The following TMEM268 variants were observed in gnomAD, a reference collection of about 807,000 sequenced individuals.
TMEM268 encodes the protein transmembrane protein 268, also known as transmembrane protein C9orf91.
In TMEM268, 24 loss-of-function variants were observed where a neutral mutation model predicts 39.1. The observed-to-expected ratio is 0.61, with a 90% CI of 0.44 to 0.86. The LOEUF (loss-of-function observed/expected upper bound fraction) is 0.86. Ranked by LOEUF, TMEM268 falls within the 40% of genes least tolerant of loss-of-function variation. The pLI, the probability that TMEM268 is intolerant of heterozygous loss-of-function variation, is 0.00. For missense variants in TMEM268, 409 were observed against 428.6 expected, an observed-to-expected ratio of 0.95 and a Z score of 0.40; for synonymous variants, 176 against 173.5, an observed-to-expected ratio of 1.01 and a Z score of -0.12.
chr9:114,628,981 C>T (rs1239262462), intron 5 of TMEM268, among the ~76,000 whole-genome samples: 4 of 152,210 alleles, frequency 2.6e-5, no homozygotes, highest in African/African-American at 4.8e-5. Flanking sequence ...CTCATTAAAT[C>T]CTTCGACATT....
Position 114,624,334 on chromosome 9 carries a change from T to C in TMEM268, c.107-16T>C, listed in dbSNP as rs1174777597. 2 of 1,583,752 alleles carry C rather than the reference T, an allele frequency of 1.3e-6. No individual in the cohort carries two copies. The highest frequency in any genetic ancestry group is 2.7e-5 in the African/African-American group (2 of 74,598). On this transcript the variant is annotated splice_polypyrimidine_tract_variant and intron_variant, in intron 2 of 8. Transcript: ENST00000288502. ...GGTTATCACTCAGCCAGATGAAGCT[T>C]CTGGTCTGCTTCCAGAGCTCCACAA...
rs1000260239 is a variant in TMEM268 at position 114,643,567 on chromosome 9, A to G, written c.*254A>G. The G allele has an allele frequency of 3.0e-5, 14 of 468,554 alleles. No homozygotes were observed. The highest frequency in any genetic ancestry group is 4.6e-5 in the Non-Finnish European group (12 of 258,606). 29.0% of individuals were successfully genotyped at this position (468,554 alleles called of 1,614,324 possible). On this transcript the variant is annotated 3_prime_UTR_variant, in exon 9 of 9. Transcript: ENST00000288502. ...TTACAGAGCTAGTCCCACCAAAGCTACTCTCTCTGCTGCTTAGAACTGTGG... is the reference window on the plus strand; with the variant it reads ...TTACAGAGCTAGTCCCACCAAAGCTGCTCTCTCTGCTGCTTAGAACTGTGG...
In TMEM268 at chr9:114,632,522, C is replaced by G. The variant is rs534878123; in HGVS notation, c.475-1246C>G. Among the ~76,000 whole-genome samples the G allele has an allele frequency of 3.9e-4, 60 of 152,310 alleles. 1 individual carries two copies. The highest frequency in any genetic ancestry group is 7.9e-4 in the Non-Finnish European group (54 of 68,036). Reference sequence around the variant, plus strand: ...GGTCCTCTTGTCCCTCCTCTTCTCCCCCACCTGTTTAGCATCCACTCTCCC... The same window carrying G: ...GGTCCTCTTGTCCCTCCTCTTCTCCGCCACCTGTTTAGCATCCACTCTCCC... On this transcript the variant is annotated intron_variant, in intron 5 of 8. Transcript: ENST00000288502.
chr9:114,635,976 G>A (rs905358670), intron 6 of TMEM268, among the ~76,000 whole-genome samples: 10 of 152,204 alleles, frequency 6.6e-5, no homozygotes, highest in African/African-American at 2.4e-4. Context: ...CCTCCCTTGT[G>A]GGTATGACAT....
intron 5 of TMEM268, among the ~76,000 whole-genome samples, chr9:114,632,126 G>C (rs1413674310): frequency 1.3e-5 from 2 of 151,082 alleles, no homozygotes; most frequent in Non-Finnish European, 2.9e-5. Context: ...AATCACTTTA[G>C]GTATAAATGT....
At chr9:114,627,790 A>G (rs1317012862) in intron 4 of TMEM268, among the ~76,000 whole-genome samples, 3 of 152,226 alleles carry the variant, frequency 2.0e-5, no homozygotes, top group Non-Finnish European at 4.4e-5. Flanking sequence ...TAGTGCTTGA[A>G]GGATCATTAT....
chr9:114,640,615 C>T (rs1846862687), intron 8 of TMEM268, among the ~76,000 whole-genome samples: 1 of 152,168 alleles, frequency 6.6e-6, no homozygotes, highest in Non-Finnish European at 1.5e-5. Flanking sequence ...CTAAGTAGGC[C>T]AGTGTTCTTG....
chr9:114,636,037 C>T (rs1846619556), intron 6 of TMEM268, among the ~76,000 whole-genome samples: 1 of 152,136 alleles, frequency 6.6e-6, no homozygotes, highest in African/African-American at 2.4e-5. Context: ...ATGGGTCAGT[C>T]AGTGGGAGGA....
chr9:114,616,851 T>C (rs1298108494), intron 1 of TMEM268, among the ~76,000 whole-genome samples: 1 of 152,126 alleles, frequency 6.6e-6, no homozygotes, highest in Non-Finnish European at 1.5e-5. Flanking sequence ...TTGAGTTCCC[T>C]GTGGGCCCCT....
intron 8 of TMEM268, among the ~76,000 whole-genome samples, chr9:114,639,737 C>T (rs1846807025): frequency 6.6e-6 from 1 of 151,068 alleles, no homozygotes; most frequent in Non-Finnish European, 1.5e-5. Flanking sequence ...GAGAAAATGA[C>T]AGGAACATGC....
At chr9:114,638,852 C>A in intron 8 of TMEM268, 126 bp downstream of exon 8, 2 of 607,348 alleles carry the variant, frequency 3.3e-6, no homozygotes, top group Non-Finnish European at 2.5e-6. Context: ...CCACACAAAT[C>A]TAGCTCAGGA....
In TMEM268 at chr9:114,637,117, G is replaced by A. The variant is rs114014148; in HGVS notation, c.666+47G>A. 1.6e-3 allele frequency: 2,057 copies of A among 1,251,394 alleles called. 18 individuals are homozygous for A. In the African/African-American group the frequency reaches 0.026, roughly 16 times the overall value. The allele number at this position is 1,251,394 out of a possible 1,614,324, so 77.5% of individuals were successfully genotyped here. A position where few individuals can be genotyped will look rare whatever the true frequency, so the allele number is the denominator to read the frequency against. On this transcript the variant is annotated intron_variant, in intron 7 of 8. Coordinates refer to ENST00000288502, the MANE Select transcript of TMEM268 (RefSeq NM_153045.4). The stretch of plus-strand genomic sequence containing the variant: ...AACAAAACAAAAACCAGGAGGCCAA[G>A]TTGTATCGATTTCATTATCTTAAGG...
At position 114,633,802 on chromosome 9, in the gene TMEM268, C is replaced by T; in HGVS notation, c.509C>T (p.Ala170Val). The T allele has an allele frequency of 6.2e-7, 1 of 1,603,874 alleles. No homozygotes were observed. Among genetic ancestry groups the T allele is most frequent in the Non-Finnish European group, 8.5e-7 (1 of 1,175,400 alleles). Residue 170 changes from alanine to valine, a missense_variant, in exon 6 of 9, where the codon GCC (alanine) becomes GTC (valine). Physicochemically the swap from Ala to Val is moderately conservative, Grantham distance 64. Transcript: ENST00000288502. ...NTNTDLRLAA[A>V]NGALLRHRVL... ...AACACGGACCTGAGGCTGGCAGCTG[C>T]CAATGGAGCCCTCCTGAGACACCGG... is the stretch of plus-strand genomic sequence containing the variant.
chr9:114,606,266 C>T (rs1267198225), upstream of TMEM268, among the ~76,000 whole-genome samples: 3 of 152,166 alleles, frequency 2.0e-5, no homozygotes, highest in African/African-American at 7.2e-5. Context: ...GGGGGGATTG[C>T]TGGCCTTCCT....
intron 3 of TMEM268, among the ~76,000 whole-genome samples, chr9:114,625,263 A>C (rs768111970): frequency 1.3e-5 from 2 of 152,104 alleles, no homozygotes; most frequent in Non-Finnish European, 2.9e-5. Context: ...TGCTCAATAC[A>C]TTGTAGCTAT....
chr9:114,612,524 G>T (rs139078663), intron 1 of TMEM268, among the ~76,000 whole-genome samples: 13 of 152,216 alleles, frequency 8.5e-5, no homozygotes, highest in Admixed American at 8.5e-4. Context: ...CATATGATAG[G>T]CATCTGCCCT....
upstream of TMEM268, among the ~76,000 whole-genome samples, chr9:114,607,570 A>C (rs1402636876): frequency 6.6e-6 from 1 of 152,150 alleles, no homozygotes; most frequent in African/African-American, 2.4e-5. Flanking sequence ...TGGGAGGATC[A>C]CTTGAGCCTA....
At chr9:114,642,361 CT>C (rs34754547) in intron 8 of TMEM268, among the ~76,000 whole-genome samples, 26,322 of 150,960 alleles carry the variant, frequency 0.17, 2,451 homozygotes, top group South Asian at 0.28. Flanking sequence ...GTTTTTCTTT[CT>C]TTTTTTTTAC....
At chr9:114,615,611 T>G (rs1462518257) in intron 1 of TMEM268, 2 of 151,146 alleles carry the variant, frequency 1.3e-5, no homozygotes, top group Non-Finnish European at 2.9e-5. Flanking sequence ...TTGGAGACCA[T>G]GTTCTTCAAA....
Sources: gnomAD v4.1 joint callset for allele counts (sites outside exome capture counted in the v4.1 genomes callset) on GRCh38, gnomAD v4.1.1 for gene constraint, MANE v1.5 for transcripts, NCBI Gene and HGNC (gene_info 2026-07-23, HGNC 2026-07-21) for gene names.